DOCK9: variants seen among roughly 807,000 people sequenced by gnomAD.
DOCK9 encodes dedicator of cytokinesis protein 9.
Under a neutral mutation model 263.3 loss-of-function variants are expected in DOCK9, and 89 were observed. The observed-to-expected ratio is 0.34, with a 90% CI of 0.28 to 0.40. DOCK9 has a LOEUF of 0.40. DOCK9 is among the 10% of genes least tolerant of loss of function. The probability of loss-of-function intolerance (pLI) is 1.00; values close to 1 mark genes in which losing one functional copy is unlikely to be tolerated. For missense variants in DOCK9, 2,140 were observed against 2,603.4 expected (o/e 0.82, Z 3.87); for synonymous variants, 976 against 973.1 (o/e 1.00, Z -0.06).
intron 1 of DOCK9, among the ~76,000 whole-genome samples, chr13:99,067,806 G>A (rs942352090): frequency 4.6e-5 from 7 of 152,052 alleles, no homozygotes; most frequent in Admixed American, 3.3e-4. Flanking sequence ...GGGCTGCTTC[G>A]GGGCCCATTG....
intron 1 of DOCK9, among the ~76,000 whole-genome samples, chr13:99,038,288 CTTTTTTTTTTTTTTTTTTTT>C (rs71419743): frequency 7.0e-5 from 6 of 86,264 alleles, no homozygotes; most frequent in African/African-American, 2.8e-4. Context: ...TTATGCCCCC[CTTTTTTTTTTTTTTTTTTTT>C]TTTTTTTTTT....
At chr13:99,001,120 T>C (rs766494915) in intron 1 of DOCK9, among the ~76,000 whole-genome samples, 27 of 152,220 alleles carry the variant, frequency 1.8e-4, no homozygotes, top group Non-Finnish European at 2.9e-4. Context: ...GACTAAACAA[T>C]GATTCTAAGG....
intron 27 of DOCK9, among the ~76,000 whole-genome samples, chr13:98,870,334 T>C (rs1008015894): frequency 8.5e-5 from 13 of 152,174 alleles, no homozygotes; most frequent in Non-Finnish European, 1.9e-4. Context: ...TCACCAACTT[T>C]AAAAAACAGA....
rs748114821 is a variant in DOCK9 at position 98,883,071 on chromosome 13, A to T, written c.2530T>A (p.Leu844Ile). 9 of 1,613,910 alleles carry T rather than the reference A, an allele frequency of 5.6e-6. No individual in the cohort carries two copies. In the South Asian group the frequency reaches 9.9e-5, roughly 18 times the overall value. ...CQKTESGAQA[L>I]GNELVKYLKS... ...AGGTACTTTACAAGTTCGTTTCCTA[A>T]GGCTTGGGCTCCAGATTCGGTTTTC... The change falls in exon 23 of 53, where the codon TTA (leucine) becomes ATA (isoleucine). Residue 844 changes from leucine (L) to isoleucine (I), a missense_variant. By Grantham distance (5) the Leu-to-Ile change is conservative. Coordinates refer to ENST00000682017, the MANE Select transcript of DOCK9 (RefSeq NM_001366683.2).
At chr13:98,864,092 A>G (rs1309513669) in intron 30 of DOCK9, among the ~76,000 whole-genome samples, 1 of 152,242 alleles carries the variant, frequency 6.6e-6, no homozygotes, top group Non-Finnish European at 1.5e-5. Flanking sequence ...ACAAATTAAT[A>G]TATAACCTAC....
At chr13:99,084,345 C>T (rs2042246783) in intron 1 of DOCK9, among the ~76,000 whole-genome samples, 1 of 152,210 alleles carries the variant, frequency 6.6e-6, no homozygotes, top group South Asian at 2.1e-4. Flanking sequence ...CCCTCACATG[C>T]CAGAGCAGGC....
intron 9 of DOCK9, among the ~76,000 whole-genome samples, chr13:98,905,235 T>G (rs893339986): frequency 1.1e-4 from 17 of 152,322 alleles, no homozygotes; most frequent in African/African-American, 4.1e-4. Flanking sequence ...AAGGACAAGA[T>G]GCTAATTAAT....
intron 27 of DOCK9, chr13:98,871,874 C>G (rs1392943738): frequency 6.5e-6 from 1 of 152,978 alleles, no homozygotes; most frequent in African/African-American, 2.4e-5. Context: ...ATGCCATGCC[C>G]CCATCCTCTG....
chr13:98,964,469 T>C (rs547837629), intron 1 of DOCK9, among the ~76,000 whole-genome samples: 15 of 152,044 alleles, frequency 9.9e-5, no homozygotes, highest in African/African-American at 3.1e-4. Flanking sequence ...GCAGAGAAAA[T>C]TGAGACACCA....
At chr13:99,014,047 A>G (rs933465277) in intron 1 of DOCK9, among the ~76,000 whole-genome samples, 5 of 152,216 alleles carry the variant, frequency 3.3e-5, no homozygotes, top group African/African-American at 1.2e-4. Flanking sequence ...GTGTTCTAGA[A>G]TCCCAGACCC....
intron 1 of DOCK9, among the ~76,000 whole-genome samples, chr13:99,061,752 C>T (rs2041200943): frequency 1.3e-5 from 2 of 152,262 alleles, no homozygotes; most frequent in African/African-American, 2.4e-5. Flanking sequence ...TTTCCACCTC[C>T]ATGCCTTTCT....
chr13:98,983,617 A>ATTT (rs201942759), intron 1 of DOCK9, among the ~76,000 whole-genome samples: 6 of 143,792 alleles, frequency 4.2e-5, no homozygotes, highest in Admixed American at 6.9e-5. Context: ...AATTATTATT[A>ATTT]TTATTATTTT....
chr13:98,845,801 C>A (rs1183185930), intron 38 of DOCK9, 123 bp downstream of exon 38: 1 of 1,301,914 alleles, frequency 7.7e-7, no homozygotes, highest in African/African-American at 1.5e-5. Context: ...AGCTCTTCAT[C>A]CTACTTGCTT....
chr13:98,900,389 T>A (rs1170148186), intron 13 of DOCK9, among the ~76,000 whole-genome samples: 1 of 152,158 alleles, frequency 6.6e-6, no homozygotes, highest in African/African-American at 2.4e-5. Flanking sequence ...TGGGCCTTCA[T>A]TGATTATTGA....
At chr13:98,958,670 TAG>T (rs1180885381) in intron 1 of DOCK9, among the ~76,000 whole-genome samples, 2 of 152,262 alleles carry the variant, frequency 1.3e-5, no homozygotes, top group Non-Finnish European at 2.9e-5. Flanking sequence ...CAGCCTGCTT[TAG>T]AGTTATCTTT....
intron 35 of DOCK9, among the ~76,000 whole-genome samples, chr13:98,852,720 T>C (rs1431377201): frequency 6.6e-6 from 1 of 152,224 alleles, no homozygotes; most frequent in Non-Finnish European, 1.5e-5. Flanking sequence ...CATTGTTTAC[T>C]GGGATTGTTT....
At chr13:99,085,488 C>T (rs1191886772) in intron 1 of DOCK9, among the ~76,000 whole-genome samples, 1 of 152,208 alleles carries the variant, frequency 6.6e-6, no homozygotes, top group East Asian at 1.9e-4. Flanking sequence ...AAAACTTCAT[C>T]TTCCTCACAC....
chr13:99,066,094 T>C (rs538353696), intron 1 of DOCK9, among the ~76,000 whole-genome samples: 2 of 152,264 alleles, frequency 1.3e-5, no homozygotes, highest in Non-Finnish European at 2.9e-5. Context: ...GTAAAAAAGA[T>C]AAAACTAAAC....
intron 33 of DOCK9, chr13:98,858,347 T>C (rs2093758453): frequency 6.6e-6 from 1 of 152,204 alleles, no homozygotes; most frequent in African/African-American, 2.4e-5. Flanking sequence ...GTAGTTTTTA[T>C]CCAGGCAGTG....
Sources: gnomAD v4.1 joint callset for allele counts (sites outside exome capture counted in the v4.1 genomes callset) on GRCh38, gnomAD v4.1.1 for gene constraint, MANE v1.5 for transcripts, NCBI Gene and HGNC (gene_info 2026-07-23, HGNC 2026-07-21) for gene names.